Variants in PDE3B observed in about 807,000 individuals in gnomAD.
PDE3B encodes the protein cGMP-inhibited 3',5'-cyclic phosphodiesterase 3B.
In PDE3B, 66 loss-of-function variants were observed where a neutral mutation model predicts 116.8. The observed-to-expected ratio is 0.56, with a 90% CI of 0.46 to 0.69. The LOEUF is 0.69. Ranked by LOEUF, PDE3B falls within the 30% of genes least tolerant of loss-of-function variation. The pLI is 0.00. For synonymous variants in PDE3B, 595 were observed against 533.6 expected (o/e 1.12, Z -1.59); for missense variants, 1,384 against 1,368.1 (o/e 1.01, Z -0.18).
chr11:14,724,452 G>C (rs1856221736), intron 1 of PDE3B, among the ~76,000 whole-genome samples: 1 of 152,106 alleles, frequency 6.6e-6, no homozygotes, highest in South Asian at 2.1e-4. Flanking sequence ...AATCAGAAAT[G>C]CTCCAAAATC....
intron 7 of PDE3B, among the ~76,000 whole-genome samples, chr11:14,824,555 ACT>A (rs912791931): frequency 2.0e-5 from 3 of 152,316 alleles, no homozygotes; most frequent in African/African-American, 7.2e-5. Context: ...TTGAAGACTG[ACT>A]CTCTGAAATA....
rs936089570 is a variant in PDE3B, at chr11:14,664,752, C to A, written c.978+19699C>A. Among the ~76,000 whole-genome samples, 7 of 152,200 alleles carry A rather than the reference C, an allele frequency of 4.6e-5. No homozygotes were observed. The South Asian group carries it at 1.0e-3, about 23-fold the overall frequency. ...ACTCTCTGAATAGACCAATAACAGG[C>A]TCTGAAATTGTGGCAATAATCAATA... is the stretch of plus-strand genomic sequence containing the variant. On this transcript the variant is annotated intron_variant, in intron 1 of 15. Coordinates refer to ENST00000282096, the MANE Select transcript of PDE3B (RefSeq NM_000922.4).
intron 1 of PDE3B, among the ~76,000 whole-genome samples, chr11:14,667,216 T>C (rs1338074022): frequency 1.3e-5 from 2 of 148,360 alleles, no homozygotes; most frequent in Non-Finnish European, 3.0e-5. Flanking sequence ...TTCTCACTCA[T>C]AGGTGGGAAT....
At chr11:14,706,748 C>G (rs574025117) in intron 1 of PDE3B, among the ~76,000 whole-genome samples, 2 of 151,954 alleles carry the variant, frequency 1.3e-5, no homozygotes, top group African/African-American at 4.8e-5. Flanking sequence ...TAGGTGCATA[C>G]AATACACATT....
At chr11:14,703,022 T>C (rs1855417515) in intron 1 of PDE3B, among the ~76,000 whole-genome samples, 1 of 151,892 alleles carries the variant, frequency 6.6e-6, no homozygotes, top group Non-Finnish European at 1.5e-5. Context: ...TTCATTTTTT[T>C]CTAGAGATCC....
At chr11:14,684,596 C>T (rs565684750) in intron 1 of PDE3B, among the ~76,000 whole-genome samples, 1 of 152,252 alleles carries the variant, frequency 6.6e-6, no homozygotes, top group South Asian at 2.1e-4. Context: ...CTCAAATTCA[C>T]CAGGGTGGGG....
chr11:14,811,153 G>A (rs1420439451), intron 5 of PDE3B, among the ~76,000 whole-genome samples: 7 of 151,966 alleles, frequency 4.6e-5, no homozygotes, highest in African/African-American at 1.7e-4. Context: ...CTTTTGCTGT[G>A]CAGAAGCTCT....
At chr11:14,687,927 A>G (rs1227592538) in intron 1 of PDE3B, among the ~76,000 whole-genome samples, 1 of 152,110 alleles carries the variant, frequency 6.6e-6, no homozygotes, top group Non-Finnish European at 1.5e-5. Context: ...CAAAATATAT[A>G]CTTTTCATTA....
At chr11:14,771,662 A>G (rs1041803164) in intron 1 of PDE3B, among the ~76,000 whole-genome samples, 2 of 151,776 alleles carry the variant, frequency 1.3e-5, no homozygotes, top group African/African-American at 4.8e-5. Context: ...TAATGTGATT[A>G]TGGATTTATA....
chr11:14,749,420 C>T (rs907815188), intron 1 of PDE3B, among the ~76,000 whole-genome samples: 3 of 152,028 alleles, frequency 2.0e-5, no homozygotes, highest in African/African-American at 7.2e-5. Flanking sequence ...CTTTGGATAG[C>T]ATTGACTAGT....
intron 14 of PDE3B, among the ~76,000 whole-genome samples, chr11:14,865,322 A>G (rs1367123852): frequency 6.6e-6 from 1 of 152,188 alleles, no homozygotes; most frequent in South Asian, 2.1e-4. Context: ...ACATTTTGTT[A>G]TCTCCAAAAT....
chr11:14,874,045 A>G (rs1848168440), downstream of PDE3B, among the ~76,000 whole-genome samples: 1 of 152,054 alleles, frequency 6.6e-6, no homozygotes, highest in South Asian at 2.1e-4. Context: ...TTCTTTTTGC[A>G]TGTCTTGTAA....
At chr11:14,761,985 C>A (rs2133888268) in intron 1 of PDE3B, among the ~76,000 whole-genome samples, 1 of 152,030 alleles carries the variant, frequency 6.6e-6, no homozygotes, top group Admixed American at 6.6e-5. Flanking sequence ...ATATCCATAT[C>A]TCCTAAATTT....
At chr11:14,667,061 G>T (rs1444576969) in intron 1 of PDE3B, among the ~76,000 whole-genome samples, 1 of 152,148 alleles carries the variant, frequency 6.6e-6, no homozygotes, top group East Asian at 1.9e-4. Flanking sequence ...TAGACTGGAT[G>T]AAGAAAATAT....
chr11:14,659,905 A>G (rs1264365127), intron 1 of PDE3B, among the ~76,000 whole-genome samples: 1 of 152,212 alleles, frequency 6.6e-6, no homozygotes, highest in Non-Finnish European at 1.5e-5. Flanking sequence ...GTAAACATGT[A>G]TTTGACAAAA....
At chr11:14,812,042 CT>C (rs35212472) in intron 5 of PDE3B, among the ~76,000 whole-genome samples, 1 of 151,752 alleles carries the variant, frequency 6.6e-6, no homozygotes, top group African/African-American at 2.4e-5. Flanking sequence ...AGATTTTGGG[CT>C]TTTTTTTATA....
intron 13 of PDE3B, among the ~76,000 whole-genome samples, chr11:14,860,796 C>A (rs1417800879): frequency 2.0e-5 from 3 of 152,194 alleles, no homozygotes; most frequent in East Asian, 1.9e-4. Context: ...CCTTTCACAG[C>A]AAGGGCAAAC....
At chr11:14,750,353 T>G (rs981509193) in intron 1 of PDE3B, among the ~76,000 whole-genome samples, 2 of 152,116 alleles carry the variant, frequency 1.3e-5, no homozygotes, top group African/African-American at 4.8e-5. Context: ...AACTTCTGAA[T>G]GAGAGTTTAT....
chr11:14,671,051 G>A (rs1213264392), intron 1 of PDE3B, among the ~76,000 whole-genome samples: 2 of 151,962 alleles, frequency 1.3e-5, no homozygotes, highest in Non-Finnish European at 2.9e-5. Context: ...GCCAGGTATT[G>A]CGCTGGATAC....
Sources: allele counts gnomAD v4.1 joint callset (sites outside exome capture counted in the v4.1 genomes callset), GRCh38; gene constraint gnomAD v4.1.1; transcripts MANE v1.5; gene names NCBI Gene and HGNC (gene_info 2026-07-23, HGNC 2026-07-21).